MORC1: variants seen among roughly 807,000 people sequenced by gnomAD.
MORC1 encodes the protein MORC family CW-type zinc finger 1, also known as MORC family CW-type zinc finger protein 1.
A neutral mutation model predicts 134.9 loss-of-function variants in MORC1; 59 were observed. The ratio of observed to expected loss-of-function variants is 0.44; its 90% CI spans 0.35 to 0.54. MORC1 has a LOEUF of 0.54. MORC1 is among the 20% of genes least tolerant of loss of function. The pLI is 0.00. For missense variants in MORC1, 947 were observed against 1,134.5 expected (o/e 0.83, Z 2.37); for synonymous variants, 395 against 391.7 (o/e 1.01, Z -0.10).
At chr3:108,962,923 T>A (rs1331772574) in intron 27 of MORC1, among the ~76,000 whole-genome samples, 55 of 152,128 alleles carry the variant, frequency 3.6e-4, no homozygotes, top group Admixed American at 3.6e-3. Context: ...AAAATAAAAG[T>A]AAAGTAAAAT....
intron 26 of MORC1, among the ~76,000 whole-genome samples, chr3:108,965,986 T>C (rs867864509): frequency 6.6e-5 from 10 of 152,332 alleles, no homozygotes; most frequent in Non-Finnish European, 1.0e-4. Context: ...TCTCTTGCCT[T>C]TCTCTCCAGG....
intron 27 of MORC1, among the ~76,000 whole-genome samples, chr3:108,959,411 T>C (rs1947021182): frequency 6.6e-6 from 1 of 152,216 alleles, no homozygotes; most frequent in Non-Finnish European, 1.5e-5. Flanking sequence ...CTCAGTCTAA[T>C]CTCATCCTTC....
At position 109,117,460 on chromosome 3, in the gene MORC1, C is replaced by T. The variant is rs561351578; in HGVS notation, c.65+535G>A. On this transcript the variant is annotated intron_variant, in intron 1 of 27. Coordinates refer to ENST00000232603, the MANE Select transcript of MORC1 (RefSeq NM_014429.4). ...ATGAGAGAAAAAACCTCTGTCATTC[C>T]CCTCTGCAATCTGACTATCTGAAAT... is the stretch of plus-strand genomic sequence containing the variant. Among the ~76,000 whole-genome samples, 30 of 152,182 alleles carry T rather than the reference C, an allele frequency of 2.0e-4. No homozygotes were observed. The South Asian group carries it at 5.8e-3, about 29-fold the overall frequency.
intron 14 of MORC1, among the ~76,000 whole-genome samples, chr3:109,042,198 C>T (rs1949570368): frequency 6.6e-6 from 1 of 152,018 alleles, no homozygotes; most frequent in African/African-American, 2.4e-5. Flanking sequence ...TATGGTAGTT[C>T]CTCAAAAAAT....
At chr3:109,013,480 C>G (rs1559893001) in intron 17 of MORC1, among the ~76,000 whole-genome samples, 1 of 152,208 alleles carries the variant, frequency 6.6e-6, no homozygotes, top group Non-Finnish European at 1.5e-5. Context: ...ACATTTTCTA[C>G]TAATGTGAAT....
chr3:108,983,956 A>T (rs917791743), intron 23 of MORC1, among the ~76,000 whole-genome samples: 1 of 152,160 alleles, frequency 6.6e-6, no homozygotes, highest in African/African-American at 2.4e-5. Flanking sequence ...AGAGAAGAGG[A>T]TCTGTGCCAT....
intron 8 of MORC1, among the ~76,000 whole-genome samples, chr3:109,078,844 A>G (rs1368578919): frequency 6.6e-6 from 1 of 151,968 alleles, no homozygotes; most frequent in Non-Finnish European, 1.5e-5. Flanking sequence ...AGGAAAACAT[A>G]AATTTTATAA....
intron 24 of MORC1, among the ~76,000 whole-genome samples, chr3:108,978,089 G>A (rs1947613203): frequency 1.3e-5 from 2 of 152,110 alleles, no homozygotes; most frequent in Non-Finnish European, 2.9e-5. Context: ...GTGTTAGCCA[G>A]GATGGTCTCG....
intron 12 of MORC1, among the ~76,000 whole-genome samples, chr3:109,059,575 G>C (rs1310653973): frequency 6.6e-6 from 1 of 151,712 alleles, no homozygotes; most frequent in East Asian, 1.9e-4. Flanking sequence ...TTTTTTTTTG[G>C]AAGTTTTAAC....
In MORC1 at chr3:109,027,847, G is replaced by A; in HGVS notation, c.1608C>T (p.Thr536=). ...VECLPSIPLG[T]MSTISPSKNE... The stretch of plus-strand genomic sequence containing the variant: ...TTTTTGATGGTGATATTGTGCTCAT[G>A]GTGCCCAGTGGGATGGAAGGTAGAC... The change falls in exon 17 of 28, where the codon ACC becomes ACT. Residue 536 remains threonine (T), a synonymous_variant. Transcript: ENST00000232603. 1.9e-6 allele frequency: 3 copies of A among 1,613,668 alleles called. No homozygotes were observed. Among genetic ancestry groups the A allele is most frequent in the Non-Finnish European group, 2.5e-6 (3 of 1,179,794 alleles).
intron 2 of MORC1, among the ~76,000 whole-genome samples, chr3:109,112,747 A>G (rs1434656332): frequency 6.6e-6 from 1 of 152,194 alleles, no homozygotes; most frequent in Admixed American, 6.5e-5. Flanking sequence ...TAAACCTTAT[A>G]AACAATTCCT....
At chr3:109,054,442 T>A (rs1949909434) in intron 14 of MORC1, among the ~76,000 whole-genome samples, 1 of 152,190 alleles carries the variant, frequency 6.6e-6, no homozygotes, top group South Asian at 2.1e-4. Flanking sequence ...TTTCTCAGTC[T>A]ATTTGGAGCA....
chr3:108,994,592 T>C (rs567175641), intron 21 of MORC1, among the ~76,000 whole-genome samples: 1 of 152,210 alleles, frequency 6.6e-6, no homozygotes, highest in East Asian at 1.9e-4. Context: ...AGGGTATATG[T>C]TGCTTCATGT....
At chr3:108,965,496 T>C (rs951227437) in intron 26 of MORC1, among the ~76,000 whole-genome samples, 5 of 152,090 alleles carry the variant, frequency 3.3e-5, no homozygotes, top group African/African-American at 7.2e-5. Context: ...TTAGAGGTAA[T>C]TGTGGAAGGC....
intron 20 of MORC1, among the ~76,000 whole-genome samples, chr3:109,002,723 G>A (rs996423294): frequency 2.0e-5 from 3 of 151,828 alleles, no homozygotes; most frequent in Non-Finnish European, 2.9e-5. Context: ...TTCTATACTC[G>A]GCCAAAGCAA....
chr3:109,029,400 T>A (rs2107601838), intron 16 of MORC1, among the ~76,000 whole-genome samples: 1 of 152,346 alleles, frequency 6.6e-6, no homozygotes, highest in South Asian at 2.1e-4. Context: ...ACCTCAAGCA[T>A]TTTATTAGAA....
chr3:109,006,628 C>T (rs1948546362), intron 18 of MORC1, among the ~76,000 whole-genome samples: 1 of 151,948 alleles, frequency 6.6e-6, no homozygotes, highest in Admixed American at 6.6e-5. Context: ...TACATAAGAA[C>T]AGACATTTGA....
At chr3:109,012,869 T>C (rs1405825056) in intron 17 of MORC1, among the ~76,000 whole-genome samples, 5 of 152,234 alleles carry the variant, frequency 3.3e-5, no homozygotes, top group African/African-American at 1.2e-4. Context: ...TTACCTCTTC[T>C]TCTGTAATCT....
chr3:108,960,816 A>T lies in MORC1; in HGVS notation c.2800-1696T>A, dbSNP rs4855681. ...TTCTGACTTCTTTTTAAAAATCTTT[A>T]AAAAAAAATCTGTAAAGGGCATCCA... On this transcript the variant is annotated intron_variant, in intron 27 of 27. Coordinates refer to ENST00000232603, the MANE Select transcript of MORC1 (RefSeq NM_014429.4). 2.6e-5 allele frequency among the ~76,000 whole-genome samples: 4 copies of T among 151,304 alleles called. No homozygotes were observed. In the East Asian group the frequency reaches 6.0e-4, roughly 23 times the overall value.
Sources: allele counts gnomAD v4.1 joint callset (sites outside exome capture counted in the v4.1 genomes callset), GRCh38; gene constraint gnomAD v4.1.1; transcripts MANE v1.5; gene names NCBI Gene and HGNC (gene_info 2026-07-23, HGNC 2026-07-21).